Variants in GAB1 observed in about 807,000 individuals in gnomAD.
GAB1 encodes GRB2-associated-binding protein 1.
GAB1 carries 19 observed loss-of-function variants against 66.5 expected under a neutral mutation model. The ratio of observed to expected loss-of-function variants is 0.29; its 90% CI spans 0.20 to 0.42. The LOEUF (loss-of-function observed/expected upper bound fraction) is 0.42, where lower values mean the gene tolerates loss of function less well. Among genes scored for constraint, GAB1 ranks in the 10% least tolerant of loss-of-function variants. The pLI is 1.00. For synonymous variants in GAB1, 294 were observed against 301.4 expected (o/e 0.98, Z 0.25); for missense variants, 732 against 858.5 (o/e 0.85, Z 1.84).
intron 8 of GAB1, among the ~76,000 whole-genome samples, chr4:143,464,070 G>A (rs563529716): frequency 2.6e-5 from 4 of 152,180 alleles, no homozygotes; most frequent in Admixed American, 2.0e-4. Context: ...CACACTCATG[G>A]CTGATTTTAT....
At chr4:143,461,614 T>A (rs1376580751) in intron 8 of GAB1, among the ~76,000 whole-genome samples, 1 of 152,122 alleles carries the variant, frequency 6.6e-6, no homozygotes, top group Non-Finnish European at 1.5e-5. Context: ...ACAAAGGAGC[T>A]AGAAAACATA....
intron 1 of GAB1, among the ~76,000 whole-genome samples, chr4:143,367,644 G>T (rs1410161373): frequency 6.7e-6 from 1 of 149,990 alleles, no homozygotes; most frequent in Non-Finnish European, 1.5e-5. Context: ...AAGGCTGAGG[G>T]TATGTCTTCC....
rs1403559281 is a variant in GAB1 at position 143,433,493 on chromosome 4, C to G, written c.370C>G (p.Pro124Ala). ...ATAGTTAAACTTTGGTGTTGCAGATCCTGTGAAGCCACCTGGCAGCTCTTT... is the reference window on the plus strand; with the variant it reads ...ATAGTTAAACTTTGGTGTTGCAGATGCTGTGAAGCCACCTGGCAGCTCTTT... Reference protein sequence around the residue: ...ICGFNPTEEDPVKPPGSSLQA... With the variant: ...ICGFNPTEEDAVKPPGSSLQA... The change falls in exon 3 of 10, where the codon CCT becomes GCT. Residue 124 changes from proline to alanine, a missense_variant and splice_region_variant. Physicochemically the swap from Pro to Ala is conservative, Grantham distance 27 (BLOSUM62 -1). This residue lies in a region of GAB1 where 66 missense variants were observed against 130.3 expected (regional missense o/e 0.51). Coordinates refer to ENST00000262994, the MANE Select transcript of GAB1 (RefSeq NM_002039.4). 6.2e-7 allele frequency: 1 copy of G among 1,612,786 alleles called. No individual in the cohort carries two copies. The highest frequency in any genetic ancestry group is 1.3e-5 in the African/African-American group (1 of 74,886).
At chr4:143,437,225 G>C (rs1733984787) in intron 3 of GAB1, among the ~76,000 whole-genome samples, 2 of 152,242 alleles carry the variant, frequency 1.3e-5, no homozygotes, top group African/African-American at 2.4e-5. Context: ...AGTAGTTCAG[G>C]TATCTTGTTT....
chr4:143,356,397 T>C (rs1252806364), intron 1 of GAB1, among the ~76,000 whole-genome samples: 4 of 152,196 alleles, frequency 2.6e-5, no homozygotes, highest in African/African-American at 9.6e-5. Context: ...AAAAAGTACT[T>C]GTAAAGTACA....
intron 1 of GAB1, among the ~76,000 whole-genome samples, chr4:143,342,543 C>CTTTTTT (rs5862632): frequency 3.2e-5 from 2 of 62,494 alleles, no homozygotes; most frequent in African/African-American, 1.3e-4. Context: ...GTGATAGATT[C>CTTTTTT]TTTTTTTTTT....
chr4:143,345,554 A>T (rs1339123763), intron 1 of GAB1, among the ~76,000 whole-genome samples: 1 of 152,018 alleles, frequency 6.6e-6, no homozygotes, highest in African/African-American at 2.4e-5. Flanking sequence ...GGTTTGACTC[A>T]TGTAGTTTAA....
intron 1 of GAB1, among the ~76,000 whole-genome samples, chr4:143,400,729 A>T (rs1731725761): frequency 6.6e-6 from 1 of 152,148 alleles, no homozygotes; most frequent in South Asian, 2.1e-4. Flanking sequence ...GCACTTTGGG[A>T]GGCTGAGGCA....
intron 1 of GAB1, among the ~76,000 whole-genome samples, chr4:143,360,597 A>G (rs1729624639): frequency 6.6e-6 from 1 of 152,196 alleles, no homozygotes; most frequent in African/African-American, 2.4e-5. Flanking sequence ...TTTTCCTGTA[A>G]GTTCCCTTTT....
intron 1 of GAB1, among the ~76,000 whole-genome samples, chr4:143,373,045 A>G (rs1730206980): frequency 3.3e-5 from 1 of 30,278 alleles, no homozygotes; most frequent in Admixed American, 2.6e-4. Context: ...TCCTTTAAAA[A>G]CACACACACA....
At chr4:143,402,458 G>A (rs1431942258) in intron 1 of GAB1, among the ~76,000 whole-genome samples, 2 of 152,064 alleles carry the variant, frequency 1.3e-5, no homozygotes, top group Admixed American at 6.5e-5. Flanking sequence ...TTGACTTCTG[G>A]TCTCCTTTTC....
In GAB1 at chr4:143,469,821, T is replaced by G. The variant is rs541082541; in HGVS notation, c.*632T>G. 3 of 152,842 alleles carry G rather than the reference T, an allele frequency of 2.0e-5. No individual in the cohort carries two copies. Among genetic ancestry groups the G allele is most frequent in the Admixed American group, 2.0e-4 (3 of 15,306 alleles). 9.5% of individuals were successfully genotyped at this position (152,842 alleles called of 1,614,324 possible). ...TGGAACTTTGTTATATTTTGTTAATTACAGTGTTTTTGGTTCATTGAGTGA... is the reference window on the plus strand; with the variant it reads ...TGGAACTTTGTTATATTTTGTTAATGACAGTGTTTTTGGTTCATTGAGTGA... On this transcript the variant is annotated 3_prime_UTR_variant, in exon 10 of 10. Transcript: ENST00000262994.
chr4:143,405,808 C>T (rs1243047319), intron 1 of GAB1, among the ~76,000 whole-genome samples: 1 of 151,970 alleles, frequency 6.6e-6, no homozygotes, highest in East Asian at 1.9e-4. Flanking sequence ...TTGACCTGGC[C>T]GAGGTGACAG....
At chr4:143,380,816 AC>A (rs1224255236) in intron 1 of GAB1, 2 of 152,236 alleles carry the variant, frequency 1.3e-5, no homozygotes, top group African/African-American at 4.8e-5. Context: ...AGAAATAGTT[AC>A]GTATATTTAC....
intron 1 of GAB1, among the ~76,000 whole-genome samples, chr4:143,411,521 A>T (rs1440882351): frequency 6.6e-6 from 1 of 152,218 alleles, no homozygotes; most frequent in African/African-American, 2.4e-5. Flanking sequence ...GAAGGTTTCT[A>T]GAAAGCCTGT....
At chr4:143,379,395 G>A (rs1392124980) in intron 1 of GAB1, among the ~76,000 whole-genome samples, 1 of 152,086 alleles carries the variant, frequency 6.6e-6, no homozygotes, top group Non-Finnish European at 1.5e-5. Context: ...CATCCTTAAG[G>A]ATATCCTTAA....
intron 6 of GAB1, among the ~76,000 whole-genome samples, chr4:143,456,651 T>C (rs1259004291): frequency 6.6e-6 from 1 of 152,166 alleles, no homozygotes; most frequent in Non-Finnish European, 1.5e-5. Flanking sequence ...TTAGGAAATT[T>C]TATTTTTTAT....
intron 1 of GAB1, among the ~76,000 whole-genome samples, chr4:143,385,375 C>A (rs985139484): frequency 6.6e-6 from 1 of 152,132 alleles, no homozygotes; most frequent in Non-Finnish European, 1.5e-5. Context: ...TAATTACAGC[C>A]TCATGTACTG....
chr4:143,344,107 C>T (rs1239678506), intron 1 of GAB1, among the ~76,000 whole-genome samples: 1 of 152,140 alleles, frequency 6.6e-6, no homozygotes, highest in Non-Finnish European at 1.5e-5. Flanking sequence ...AGTTAGTTTA[C>T]AACAGAGAGG....
Sources: gnomAD v4.1 joint callset for allele counts (sites outside exome capture counted in the v4.1 genomes callset) on GRCh38, gnomAD v4.1.1 for gene constraint, gnomAD v4.1.1 regional missense constraint, MANE v1.5 for transcripts, NCBI Gene and HGNC (gene_info 2026-07-23, HGNC 2026-07-21) for gene names.